The following MSRA variants were observed in gnomAD, a reference collection of about 807,000 sequenced individuals.
MSRA encodes methionine sulfoxide reductase A, also known as mitochondrial peptide methionine sulfoxide reductase.
Under a neutral mutation model 31.3 loss-of-function variants are expected in MSRA, and 54 were observed. The ratio of observed to expected loss-of-function variants is 1.73; its 90% CI spans 1.39 to 2.17. The LOEUF (loss-of-function observed/expected upper bound fraction) is 2.17, where lower values mean the gene tolerates loss of function less well. Among genes scored for constraint, MSRA ranks in the 30% most tolerant of loss-of-function variants. The pLI is 0.00. For synonymous variants in MSRA, 169 were observed against 116.5 expected (o/e 1.45, Z -2.90); for missense variants, 507 against 300.9 (o/e 1.69, Z -5.07).
chr8:10,398,569 G>C (rs1364320918), intron 5 of MSRA, among the ~76,000 whole-genome samples: 1 of 152,206 alleles, frequency 6.6e-6, no homozygotes, highest in Admixed American at 6.5e-5. Flanking sequence ...CTGGACAGTG[G>C]CAGGTGCCCC....
intron 1 of MSRA, among the ~76,000 whole-genome samples, chr8:10,146,711 T>TA (rs34956088): frequency 1.3e-5 from 2 of 151,134 alleles, no homozygotes; most frequent in East Asian, 1.9e-4. Flanking sequence ...GGTGTTATTT[T>TA]AAAAAAAAAT....
intron 3 of MSRA, among the ~76,000 whole-genome samples, chr8:10,250,051 G>A (rs1033819722): frequency 3.9e-5 from 6 of 152,296 alleles, no homozygotes; most frequent in Middle Eastern, 3.4e-3. Flanking sequence ...ATAGTCAAAT[G>A]AAAGCTTGAT....
chr8:10,056,556 C>T (rs1404561519), intron 1 of MSRA, among the ~76,000 whole-genome samples: 4 of 148,740 alleles, frequency 2.7e-5, no homozygotes, highest in East Asian at 2.0e-4. Context: ...TAGGGCCAAG[C>T]CTACAATGCA....
chr8:10,075,472 A>T lies in MSRA; in HGVS notation c.142+20814A>T, dbSNP rs757120117. Among the ~76,000 whole-genome samples the T allele has an allele frequency of 3.9e-5, 6 of 152,116 alleles. No homozygotes were observed. The South Asian group carries it at 8.3e-4, about 21-fold the overall frequency. On this transcript the variant is annotated intron_variant, in intron 1 of 5. Coordinates refer to ENST00000317173, the MANE Select transcript of MSRA (RefSeq NM_012331.5). ...ACTTTCCAAGCAGTTATTAGAGGAG[A>T]TCTGAGTTTTTAGCTTCTGCATTAT...
At chr8:10,065,073 T>A (rs1797392299) in intron 1 of MSRA, among the ~76,000 whole-genome samples, 1 of 151,970 alleles carries the variant, frequency 6.6e-6, no homozygotes, top group Non-Finnish European at 1.5e-5. Flanking sequence ...TGAGAGGCAG[T>A]TTACAAAGAG....
At chr8:10,063,722 C>T (rs1797324243) in intron 1 of MSRA, among the ~76,000 whole-genome samples, 1 of 152,202 alleles carries the variant, frequency 6.6e-6, no homozygotes. Context: ...GTCCGTGAAC[C>T]AGAATTTGGG....
At chr8:10,098,222 G>C in intron 1 of MSRA, among the ~76,000 whole-genome samples, 1 of 152,156 alleles carries the variant, frequency 6.6e-6, no homozygotes, top group East Asian at 1.9e-4. Flanking sequence ...CTATTGGTTT[G>C]ATTGTAAATG....
chr8:10,137,275 T>C (rs1205944796), intron 1 of MSRA, among the ~76,000 whole-genome samples: 2 of 152,250 alleles, frequency 1.3e-5, no homozygotes, highest in Non-Finnish European at 2.9e-5. Context: ...GTTTTCTGCA[T>C]TTGTGTAATC....
At chr8:10,212,519 C>T (rs946577037) in intron 2 of MSRA, among the ~76,000 whole-genome samples, 16 of 152,146 alleles carry the variant, frequency 1.1e-4, no homozygotes, top group African/African-American at 1.9e-4. Flanking sequence ...CTAGTAGTTA[C>T]GCTAACTTTG....
intron 5 of MSRA, among the ~76,000 whole-genome samples, chr8:10,357,438 T>C (rs1202740418): frequency 6.6e-6 from 1 of 152,240 alleles, no homozygotes; most frequent in Non-Finnish European, 1.5e-5. Context: ...AATAATATTA[T>C]GAACTCATGG....
intron 1 of MSRA, among the ~76,000 whole-genome samples, chr8:10,159,946 A>C (rs1203100166): frequency 1.3e-5 from 2 of 152,220 alleles, no homozygotes; most frequent in Non-Finnish European, 2.9e-5. Flanking sequence ...CGACTTATAA[A>C]GTTTCCTTTG....
chr8:10,393,825 G>A (rs954689021), intron 5 of MSRA, among the ~76,000 whole-genome samples: 2 of 152,208 alleles, frequency 1.3e-5, no homozygotes, highest in African/African-American at 4.8e-5. Flanking sequence ...TATCCCCTGT[G>A]CACCACGTGT....
intron 2 of MSRA, among the ~76,000 whole-genome samples, chr8:10,212,676 TA>T (rs1235266248): frequency 1.3e-5 from 2 of 152,216 alleles, no homozygotes; most frequent in Non-Finnish European, 2.9e-5. Context: ...AATATTGTAC[TA>T]ATACTTTCCA....
chr8:10,342,254 C>G (rs909198246), intron 5 of MSRA, among the ~76,000 whole-genome samples: 5 of 151,960 alleles, frequency 3.3e-5, no homozygotes, highest in African/African-American at 1.2e-4. Context: ...TCTTTGCACC[C>G]AAAAATTATT....
intron 4 of MSRA, among the ~76,000 whole-genome samples, chr8:10,315,349 A>G (rs545408375): frequency 2.6e-5 from 4 of 152,290 alleles, no homozygotes; most frequent in East Asian, 3.9e-4. Flanking sequence ...AACCAGAGAG[A>G]GGGAAGGCAT....
chr8:10,271,448 T>C (rs1247784248), intron 3 of MSRA, among the ~76,000 whole-genome samples: 1 of 152,232 alleles, frequency 6.6e-6, no homozygotes, highest in Non-Finnish European at 1.5e-5. Flanking sequence ...GGAAATTGAC[T>C]AGGGGAAAAA....
At chr8:10,094,940 T>C (rs905120467) in intron 1 of MSRA, among the ~76,000 whole-genome samples, 7 of 152,250 alleles carry the variant, frequency 4.6e-5, no homozygotes, top group African/African-American at 1.7e-4. Flanking sequence ...AAAAGAACTC[T>C]TCTCCCCTGT....
intron 3 of MSRA, among the ~76,000 whole-genome samples, chr8:10,286,825 G>GA (rs1306673028): frequency 6.6e-6 from 1 of 152,218 alleles, no homozygotes; most frequent in Non-Finnish European, 1.5e-5. Flanking sequence ...AATGAGTAGA[G>GA]AAACTAAGTA....
rs1167934116 is a variant in MSRA at position 10,065,105 on chromosome 8, C to T, written c.142+10447C>T. Among the ~76,000 whole-genome samples, 9 of 152,182 alleles carry T rather than the reference C, an allele frequency of 5.9e-5. No individual in the cohort carries two copies. The East Asian group carries it at 1.7e-3, about 30-fold the overall frequency. The stretch of plus-strand genomic sequence containing the variant: ...AGAGCCACCTCATCTACCAGTGAGC[C>T]CTCTGCAGGGACTTCTGCTGGTCCC... On this transcript the variant is annotated intron_variant, in intron 1 of 5. Coordinates refer to ENST00000317173, the MANE Select transcript of MSRA (RefSeq NM_012331.5).
Sources: allele counts gnomAD v4.1 joint callset (sites outside exome capture counted in the v4.1 genomes callset), GRCh38; gene constraint gnomAD v4.1.1; transcripts MANE v1.5; gene names NCBI Gene and HGNC (gene_info 2026-07-23, HGNC 2026-07-21).